The following GNB1L variants were observed in gnomAD, a reference collection of about 807,000 sequenced individuals.
GNB1L encodes the protein G protein subunit beta 1 like.
GNB1L carries 20 observed loss-of-function variants against 29.1 expected under a neutral mutation model. The ratio of observed to expected loss-of-function variants is 0.69; its 90% CI spans 0.48 to 1.00. The LOEUF is 1.00. Among genes scored for constraint, GNB1L ranks in the 50% least tolerant of loss-of-function variants. The pLI is 0.00. For missense variants in GNB1L, 421 were observed against 464.9 expected (o/e 0.91, Z 0.87); for synonymous variants, 193 against 206.5 (o/e 0.93, Z 0.56).
At chr22:19,850,389 G>GC in intron 2 of GNB1L, 2 of 988,720 alleles carry the variant, frequency 2.0e-6, no homozygotes, top group Non-Finnish European at 2.4e-6. Flanking sequence ...CGCAATGCAT[G>GC]CGAGTGCGGA....
chr22:19,794,974 C>T (rs931492047), intron 7 of GNB1L, among the ~76,000 whole-genome samples: 5 of 151,724 alleles, frequency 3.3e-5, no homozygotes, highest in African/African-American at 1.2e-4. Context: ...AGTGAGACTC[C>T]GTCTCAAAAC....
At chr22:19,848,812 C>T in intron 2 of GNB1L, 1 of 985,372 alleles carries the variant, frequency 1.0e-6, no homozygotes, top group Non-Finnish European at 1.2e-6. Flanking sequence ...GAGAAGGCAG[C>T]AATCCCAGGC....
Position 19,816,417 on chromosome 22 carries a change from G to A in GNB1L, c.255-3970C>T, listed in dbSNP as rs1937524354. On this transcript the variant is annotated intron_variant, in intron 4 of 7. Transcript: ENST00000329517. The surrounding 1 kb of genome is among the most constrained non-coding windows in gnomAD (Gnocchi z 4.4). ...AGGCTGGCTCAGAATCCTCTGACGTGGCCATCTGCGAGATGTCCAGACCTA... is the reference window on the plus strand; with the variant it reads ...AGGCTGGCTCAGAATCCTCTGACGTAGCCATCTGCGAGATGTCCAGACCTA... Among the ~76,000 whole-genome samples the A allele has an allele frequency of 6.6e-6, 1 of 152,140 alleles. No homozygotes were observed. The highest frequency in any genetic ancestry group is 2.4e-5 in the African/African-American group (1 of 41,432).
intron 2 of GNB1L, chr22:19,850,389 G>A (rs531450394): frequency 6.1e-6 from 6 of 988,720 alleles, no homozygotes; most frequent in Admixed American, 1.2e-4. Flanking sequence ...CGCAATGCAT[G>A]CGAGTGCGGA....
At chr22:19,810,532 A>C (rs1569043636) in intron 5 of GNB1L, among the ~76,000 whole-genome samples, 1 of 152,098 alleles carries the variant, frequency 6.6e-6, no homozygotes. Context: ...CCAGAGGTAC[A>C]CACCACGTCT....
At chr22:19,810,106 C>G (rs1387930965) in intron 5 of GNB1L, among the ~76,000 whole-genome samples, 2 of 152,180 alleles carry the variant, frequency 1.3e-5, no homozygotes, top group African/African-American at 4.8e-5. Flanking sequence ...GTCGCTATAT[C>G]AGGAAGATGG....
chr22:19,831,372 AAAAAAAC>A (rs1176288931), intron 2 of GNB1L, among the ~76,000 whole-genome samples: 3 of 151,516 alleles, frequency 2.0e-5, no homozygotes, highest in Non-Finnish European at 4.4e-5. Flanking sequence ...CTAAAAAAAA[AAAAAAAC>A]AATAAAATAA....
chr22:19,842,848 C>G (rs1601350612), intron 2 of GNB1L, among the ~76,000 whole-genome samples: 1 of 152,222 alleles, frequency 6.6e-6, no homozygotes, highest in African/African-American at 2.4e-5. Context: ...CTCAAGCTGG[C>G]CACACAGCAG....
chr22:19,804,539 CTAAAAAT>C (rs916843402), intron 6 of GNB1L, among the ~76,000 whole-genome samples: 21 of 151,474 alleles, frequency 1.4e-4, no homozygotes, highest in African/African-American at 5.1e-4. Flanking sequence ...TAAGAATATA[CTAAAAAT>C]TAAAAATTAA....
In GNB1L at chr22:19,806,780, A is replaced by AT. The variant is rs774325856; in HGVS notation, c.418-24dup. 4 of 1,541,700 alleles carry AT rather than the reference A, an allele frequency of 2.6e-6. No homozygotes were observed. In the African/African-American group the frequency reaches 5.4e-5, roughly 21 times the overall value. On this transcript the variant is annotated intron_variant, in intron 5 of 7. Coordinates refer to ENST00000329517, the MANE Select transcript of GNB1L (RefSeq NM_053004.3). ...AACCTGACAGTAAGAAAACAAGTTGATTTGGGCCGTCGCCAAGTCGAGTCT... is the reference window on the plus strand; with the variant it reads ...AACCTGACAGTAAGAAAACAAGTTGATTTTGGGCCGTCGCCAAGTCGAGTCT...
intron 2 of GNB1L, among the ~76,000 whole-genome samples, chr22:19,852,857 CCA>C (rs997357467): frequency 6.6e-6 from 1 of 152,136 alleles, no homozygotes; most frequent in Non-Finnish European, 1.5e-5. Flanking sequence ...TTGTCTGCAG[CCA>C]CACACTAACC....
chr22:19,808,373 C>A (rs1937460884), intron 5 of GNB1L, among the ~76,000 whole-genome samples: 1 of 151,980 alleles, frequency 6.6e-6, no homozygotes, highest in South Asian at 2.1e-4. Flanking sequence ...ATGAAGAGGG[C>A]AAAAAAGAAC....
chr22:19,815,135 GA>G (rs1250741844), intron 4 of GNB1L, among the ~76,000 whole-genome samples: 3 of 152,140 alleles, frequency 2.0e-5, no homozygotes, highest in African/African-American at 7.2e-5. Flanking sequence ...TCCCGGAGCA[GA>G]AATGTCACTG....
At chr22:19,821,145 C>T in intron 3 of GNB1L, 83 bp downstream of exon 3, 1 of 1,416,420 alleles carries the variant, frequency 7.1e-7, no homozygotes, top group Non-Finnish European at 9.7e-7. Context: ...CCAGCACCCT[C>T]AAACAAGCGC....
intron 2 of GNB1L, chr22:19,851,930 G>A (rs144744793): frequency 1.6e-4 from 266 of 1,614,068 alleles, no homozygotes; most frequent in Middle Eastern, 3.3e-4. Context: ...CAGTAGCCAC[G>A]GGGAGCCATC....
chr22:19,818,134 G>T (rs555632030), intron 4 of GNB1L, among the ~76,000 whole-genome samples: 2 of 152,320 alleles, frequency 1.3e-5, no homozygotes, highest in African/African-American at 4.8e-5. Flanking sequence ...CAGACCCCCT[G>T]ACCCGTGGCT....
chr22:19,803,295 T>C (rs1937395778), intron 6 of GNB1L, among the ~76,000 whole-genome samples: 1 of 152,204 alleles, frequency 6.6e-6, no homozygotes, highest in Admixed American at 6.5e-5. Flanking sequence ...TGGGTTCTAA[T>C]AACAGAGTTC....
At chr22:19,850,487 A>G (rs1938068361) in intron 2 of GNB1L, 1 of 1,026,526 alleles carries the variant, frequency 9.7e-7, no homozygotes, top group Non-Finnish European at 1.2e-6. Context: ...TTAACACACA[A>G]AGGGCGAATG....
At position 19,788,594 on chromosome 22, in the gene GNB1L, C is replaced by T; in HGVS notation, c.*115G>A. The T allele has an allele frequency of 1.5e-6, 2 of 1,317,260 alleles. No individual in the cohort carries two copies. The highest frequency in any genetic ancestry group is 2.2e-6 in the Non-Finnish European group (2 of 909,864). The allele number at this position is 1,317,260 out of a possible 1,614,324, so 81.6% of individuals were successfully genotyped here. A position where few individuals can be genotyped will look rare whatever the true frequency, so the allele number is the denominator to read the frequency against. On this transcript the variant is annotated 3_prime_UTR_variant, in exon 8 of 8. Coordinates refer to ENST00000329517, the MANE Select transcript of GNB1L (RefSeq NM_053004.3). ...ATGAAGACAGCGGGGACTCCATGGT[C>T]CTTGGGCCATGACTTGCTGGTCCTC...
Sources: allele counts gnomAD v4.1 joint callset (sites outside exome capture counted in the v4.1 genomes callset), GRCh38; gene constraint gnomAD v4.1.1; non-coding constraint Gnocchi (gnomAD v3.1); transcripts MANE v1.5; gene names NCBI Gene and HGNC (gene_info 2026-07-23, HGNC 2026-07-21).